Variants in SLC22A25 observed in about 807,000 individuals in gnomAD.
SLC22A25 encodes the protein solute carrier family 22 member 25.
SLC22A25 carries 44 observed loss-of-function variants against 45.9 expected under a neutral mutation model. The ratio of observed to expected loss-of-function variants is 0.96; its 90% CI spans 0.75 to 1.23. The LOEUF (loss-of-function observed/expected upper bound fraction) is 1.23. Among genes scored for constraint, SLC22A25 ranks in the 50% most tolerant of loss-of-function variants. The probability of loss-of-function intolerance (pLI) is 0.00; values close to 1 mark genes in which losing one functional copy is unlikely to be tolerated. For missense variants in SLC22A25, 800 were observed against 666.4 expected, an observed-to-expected ratio of 1.20 and a Z score of -2.21; for synonymous variants, 283 against 238.6, an observed-to-expected ratio of 1.19 and a Z score of -1.72.
At chr11:63,207,025 T>C (rs1054381038) in intron 7 of SLC22A25, among the ~76,000 whole-genome samples, 3 of 152,112 alleles carry the variant, frequency 2.0e-5, no homozygotes, top group Admixed American at 1.3e-4. Flanking sequence ...AAACAAGCAA[T>C]GGGGAAGGGA....
intron 9 of SLC22A25, among the ~76,000 whole-genome samples, chr11:63,171,731 G>C (rs941874365): frequency 6.6e-6 from 1 of 152,160 alleles, no homozygotes; most frequent in Non-Finnish European, 1.5e-5. Context: ...TGGCCATATT[G>C]CCCAAAGCAA....
chr11:63,225,335 C>G (rs2089937915), intron 5 of SLC22A25, among the ~76,000 whole-genome samples: 1 of 152,084 alleles, frequency 6.6e-6, no homozygotes, highest in African/African-American at 2.4e-5. Flanking sequence ...GATGAAACCT[C>G]TCAGCCTTTG....
chr11:63,192,449 G>T (rs1267710480), intron 7 of SLC22A25, among the ~76,000 whole-genome samples: 2 of 152,120 alleles, frequency 1.3e-5, no homozygotes, highest in East Asian at 3.9e-4. Context: ...AAAATGATCA[G>T]TTAGCATCAT....
intron 7 of SLC22A25, among the ~76,000 whole-genome samples, chr11:63,203,978 G>C (rs753741669): frequency 2.0e-5 from 3 of 152,148 alleles, no homozygotes; most frequent in Non-Finnish European, 4.4e-5. Flanking sequence ...AACCCTACAA[G>C]CCAGAAGAGA....
chr11:63,234,738 G>A lies in SLC22A25; in HGVS notation c.-445+3143C>T, dbSNP rs190401149. Among the ~76,000 whole-genome samples the A allele has an allele frequency of 2.0e-5, 3 of 152,264 alleles. No homozygotes were observed. In the East Asian group the frequency reaches 5.8e-4, roughly 29 times the overall value. On this transcript the variant is annotated intron_variant, in intron 3 of 11. Coordinates refer to ENST00000306494, the MANE Select transcript of SLC22A25 (RefSeq NM_199352.6). ...ATGCAGTTTGTTCCTAGCCTTGATG[G>A]TCTTTACAATTTGGCATGTTGTTGC...
chr11:63,177,873 AATGTATATATATAATATATAT>A lies in SLC22A25; in HGVS notation c.1070+2766_1070+2786del, dbSNP rs1188126950. On this transcript the variant is annotated intron_variant, in intron 9 of 11. Transcript: ENST00000306494. ...TATAATGTATATATATAATATATAT[AATGTATATATATAATATATAT>A]ATATAATGTATATCCCATTTTCTTT... is the stretch of plus-strand genomic sequence containing the variant. 1.7e-4 allele frequency among the ~76,000 whole-genome samples: 24 copies of A among 138,764 alleles called. 1 individual carries two copies. Among genetic ancestry groups the A allele is most frequent in the African/African-American group, 6.6e-4 (24 of 36,490 alleles). 91.0% of individuals were successfully genotyped at this position (138,764 alleles called of 152,430 possible). A position where few individuals can be genotyped will look rare whatever the true frequency, so the allele number is the denominator to read the frequency against.
intron 9 of SLC22A25, among the ~76,000 whole-genome samples, chr11:63,169,357 A>G (rs1019952516): frequency 1.3e-5 from 2 of 152,252 alleles, no homozygotes; most frequent in African/African-American, 4.8e-5. Flanking sequence ...TGCCCCAATT[A>G]AAAGACACAG....
chr11:63,222,498 G>A (rs539095277), intron 5 of SLC22A25, among the ~76,000 whole-genome samples: 5 of 152,068 alleles, frequency 3.3e-5, no homozygotes, highest in Non-Finnish European at 7.4e-5. Context: ...CAGAATTTGG[G>A]TATCAATTTG....
At chr11:63,189,873 C>T (rs1402213820) in intron 7 of SLC22A25, among the ~76,000 whole-genome samples, 1 of 152,140 alleles carries the variant, frequency 6.6e-6, no homozygotes, top group Non-Finnish European at 1.5e-5. Flanking sequence ...AATATTGGCC[C>T]CCACTCTCTT....
At chr11:63,214,398 G>T (rs963201818) in intron 7 of SLC22A25, among the ~76,000 whole-genome samples, 1 of 152,188 alleles carries the variant, frequency 6.6e-6, no homozygotes, top group Non-Finnish European at 1.5e-5. Flanking sequence ...GGAAGGAATG[G>T]AACAGGAATT....
chr11:63,168,253 C>G (rs114157578), intron 9 of SLC22A25, among the ~76,000 whole-genome samples: 4 of 152,250 alleles, frequency 2.6e-5, no homozygotes, highest in African/African-American at 7.2e-5. Context: ...AAACCGAATG[C>G]GTCTTCTCCT....
chr11:63,217,955 T>C (rs957597211), intron 5 of SLC22A25: 3 of 645,998 alleles, frequency 4.6e-6, no homozygotes, highest in Admixed American at 2.4e-5. Flanking sequence ...TTCTCCAATC[T>C]GTTGCCAGTA....
At chr11:63,230,740 C>T (rs929888761) in intron 3 of SLC22A25, among the ~76,000 whole-genome samples, 48 of 152,210 alleles carry the variant, frequency 3.2e-4, no homozygotes, top group Admixed American at 2.6e-3. Flanking sequence ...CATGTTGGTG[C>T]GCTGCACCCA....
At chr11:63,172,036 C>T (rs2087906477) in intron 9 of SLC22A25, among the ~76,000 whole-genome samples, 1 of 152,106 alleles carries the variant, frequency 6.6e-6, no homozygotes, top group Non-Finnish European at 1.5e-5. Context: ...CACAAATGAG[C>T]AATGGGGAAA....
intron 7 of SLC22A25, among the ~76,000 whole-genome samples, chr11:63,196,656 A>G (rs2089045097): frequency 6.6e-6 from 1 of 152,238 alleles, no homozygotes; most frequent in South Asian, 2.1e-4. Flanking sequence ...ATCATACTGA[A>G]TGGGCAAAAA....
intron 8 of SLC22A25, among the ~76,000 whole-genome samples, chr11:63,181,759 C>G (rs2088334252): frequency 6.6e-6 from 1 of 152,044 alleles, no homozygotes; most frequent in Admixed American, 6.6e-5. Flanking sequence ...TTAGGCTCTG[C>G]ACCTCTGGGA....
chr11:63,217,710 A>T lies in SLC22A25; in HGVS notation c.532T>A (p.Trp178Arg), dbSNP rs754305568. 1 of 1,612,274 alleles carries T rather than the reference A, an allele frequency of 6.2e-7. No individual in the cohort carries two copies. Among genetic ancestry groups the T allele is most frequent in the East Asian group, 2.2e-5 (1 of 44,878 alleles). The change falls in exon 6 of 12, where the codon TGG (tryptophan) becomes AGG (arginine). Residue 178 changes from tryptophan (W) to arginine (R), a missense_variant. Physicochemically the swap from Trp to Arg is moderately radical, Grantham distance 101. Transcript: ENST00000306494. ...DRFGRKFVLRWSYLQLAIVGT... is the reference protein window; with the variant it reads ...DRFGRKFVLRRSYLQLAIVGT... The stretch of plus-strand genomic sequence containing the variant: ...ACAATGGCGAGCTGGAGGTAAGACC[A>T]TCTGAGCACGAACTTTCTCCCAAAC...
rs1445341875 is a variant in SLC22A25 at position 63,161,541 on chromosome 11, C to T, written c.*2283G>A. 6.6e-6 allele frequency among the ~76,000 whole-genome samples: 1 copy of T among 152,116 alleles called. No homozygotes were observed. Among genetic ancestry groups the T allele is most frequent in the African/African-American group, 2.4e-5 (1 of 41,418 alleles). Reference sequence around the variant, plus strand: ...AACTGAATCATGGGGGTGAGTGTTTCCCATGCTCTTCCTATGATAGTGAAT... The same window carrying T: ...AACTGAATCATGGGGGTGAGTGTTTTCCATGCTCTTCCTATGATAGTGAAT... On this transcript the variant is annotated 3_prime_UTR_variant, in exon 12 of 12. Transcript: ENST00000306494.
chr11:63,220,365 A>T (rs898949507), intron 5 of SLC22A25, among the ~76,000 whole-genome samples: 2 of 152,176 alleles, frequency 1.3e-5, no homozygotes, highest in East Asian at 3.9e-4. Flanking sequence ...GCTGAATTCC[A>T]TGTCGTGAAA....
Sources: allele counts gnomAD v4.1 joint callset (sites outside exome capture counted in the v4.1 genomes callset), GRCh38; gene constraint gnomAD v4.1.1; transcripts MANE v1.5; gene names NCBI Gene and HGNC (gene_info 2026-07-23, HGNC 2026-07-21).